Variants in TMEM131L observed in about 807,000 individuals in gnomAD.
TMEM131L encodes the protein transmembrane 131 like.
TMEM131L carries 54 observed loss-of-function variants against 192.2 expected under a neutral mutation model. The ratio of observed to expected loss-of-function variants is 0.28; its 90% CI spans 0.23 to 0.35. The LOEUF is 0.35. Among genes scored for constraint, TMEM131L ranks in the 10% least tolerant of loss-of-function variants. The probability of loss-of-function intolerance (pLI) is 1.00; values close to 1 mark genes in which losing one functional copy is unlikely to be tolerated. For missense variants in TMEM131L, 1,888 were observed against 1,972.9 expected (o/e 0.96, Z 0.82); for synonymous variants, 701 against 704.9 (o/e 0.99, Z 0.09).
At chr4:153,487,018 C>T (rs1316224373) in intron 3 of TMEM131L, among the ~76,000 whole-genome samples, 1 of 152,162 alleles carries the variant, frequency 6.6e-6, no homozygotes, top group African/African-American at 2.4e-5. Flanking sequence ...TGGGAACTCG[C>T]TAGACTGGCC....
Position 153,636,384 on chromosome 4 carries a change from A to G in TMEM131L, c.4641A>G (p.Glu1547=), listed in dbSNP as rs1353599640. 6.2e-7 allele frequency: 1 copy of G among 1,614,158 alleles called. No homozygotes were observed. Among genetic ancestry groups the G allele is most frequent in the South Asian group, 1.1e-5 (1 of 91,076 alleles). Residue 1547 remains glutamate (E), a synonymous_variant, in exon 35 of 35, where the codon GAA becomes GAG. Transcript: ENST00000409959. ...SIWAPQSDVY[E]NCCPINPTTE... is the part of the protein sequence containing the mutation. ...GGGCCCCGCAAAGCGATGTGTATGA[A>G]AATTGCTGCCCCATCAACCCCACCA... is the stretch of plus-strand genomic sequence containing the variant.
chr4:153,577,204 G>A (rs1730010021), intron 7 of TMEM131L, among the ~76,000 whole-genome samples: 1 of 152,188 alleles, frequency 6.6e-6, no homozygotes, highest in Non-Finnish European at 1.5e-5. Flanking sequence ...TGAGGTTGGA[G>A]CATGCGCAGG....
chr4:153,556,627 A>T (rs961654717), intron 5 of TMEM131L, among the ~76,000 whole-genome samples: 2 of 152,220 alleles, frequency 1.3e-5, no homozygotes, highest in African/African-American at 4.8e-5. Context: ...ACATGTTTGC[A>T]CGTTGGTTAT....
intron 3 of TMEM131L, among the ~76,000 whole-genome samples, chr4:153,535,249 G>A (rs1046508310): frequency 6.6e-6 from 1 of 152,270 alleles, no homozygotes; most frequent in East Asian, 1.9e-4. Flanking sequence ...ACAACTGAGC[G>A]GAGATGGCTG....
intron 3 of TMEM131L, among the ~76,000 whole-genome samples, chr4:153,528,267 A>G (rs1735644516): frequency 6.6e-6 from 1 of 152,248 alleles, no homozygotes. Context: ...ACAGAGCGCA[A>G]GACTGCGTTT....
intron 7 of TMEM131L, among the ~76,000 whole-genome samples, chr4:153,576,090 G>C (rs949830764): frequency 1.3e-5 from 2 of 151,942 alleles, no homozygotes; most frequent in Non-Finnish European, 2.9e-5. Context: ...CTCCCGAGTA[G>C]CTGGGACTAC....
chr4:153,485,371 T>C (rs1732257521), intron 3 of TMEM131L, among the ~76,000 whole-genome samples: 1 of 152,178 alleles, frequency 6.6e-6, no homozygotes, highest in African/African-American at 2.4e-5. Flanking sequence ...TGGCTCCGAA[T>C]GATACATGCA....
At chr4:153,560,734 C>G (rs1728792427) in intron 7 of TMEM131L, among the ~76,000 whole-genome samples, 1 of 152,164 alleles carries the variant, frequency 6.6e-6, no homozygotes, top group Non-Finnish European at 1.5e-5. Context: ...GTATTTCATT[C>G]CTTTTTATTG....
chr4:153,475,488 C>T (rs888733847), intron 3 of TMEM131L, among the ~76,000 whole-genome samples: 1 of 152,188 alleles, frequency 6.6e-6, no homozygotes, highest in African/African-American at 2.4e-5. Flanking sequence ...GTAATGTTCA[C>T]ATCAACCAGT....
intron 3 of TMEM131L, among the ~76,000 whole-genome samples, chr4:153,547,767 G>T (rs1476754257): frequency 2.0e-5 from 3 of 152,206 alleles, no homozygotes; most frequent in African/African-American, 7.2e-5. Flanking sequence ...GCCTGAACTT[G>T]ACACAGGGCT....
At chr4:153,589,424 C>T (rs4315759) in intron 16 of TMEM131L, among the ~76,000 whole-genome samples, 3,270 of 152,234 alleles carry the variant, frequency 0.021, 124 homozygotes, top group African/African-American at 0.075. Context: ...GAGATGGCTA[C>T]TAAGTGACTA....
In TMEM131L at chr4:153,634,178, G is replaced by GT. The variant is rs750902050; in HGVS notation, c.4329-8dup. On this transcript the variant is annotated splice_polypyrimidine_tract_variant and intron_variant, in intron 32 of 34. Coordinates refer to ENST00000409959, the MANE Select transcript of TMEM131L (RefSeq NM_001131007.2). Reference sequence around the variant, plus strand: ...CATCCTGTTTCTGATTAGACCACTTGTTTTTTGTGGCAGTTTCATTGATTG... The same window carrying GT: ...CATCCTGTTTCTGATTAGACCACTTGTTTTTTTGTGGCAGTTTCATTGATTG... The GT allele has an allele frequency of 1.3e-5, 21 of 1,611,556 alleles. No individual in the cohort carries two copies. Among genetic ancestry groups the GT allele is most frequent in the African/African-American group, 2.7e-5 (2 of 74,874 alleles).
chr4:153,472,897 G>A (rs1239692828), intron 2 of TMEM131L, among the ~76,000 whole-genome samples: 1 of 152,218 alleles, frequency 6.6e-6, no homozygotes, highest in East Asian at 1.9e-4. Flanking sequence ...CTGAAATATA[G>A]GAACTGAGAG....
intron 2 of TMEM131L, 61 bp from the exon 3 acceptor site, chr4:153,473,782 ACT>A (rs1554018278): frequency 1.5e-6 from 2 of 1,343,488 alleles, no homozygotes; most frequent in Non-Finnish European, 2.1e-6. Flanking sequence ...ACAGAGCGAG[ACT>A]CTGTCTCAAA....
At chr4:153,484,312 T>A (rs759343726) in intron 3 of TMEM131L, among the ~76,000 whole-genome samples, 22 of 152,188 alleles carry the variant, frequency 1.4e-4, no homozygotes, top group Non-Finnish European at 1.0e-4. Context: ...CCAATTAATG[T>A]TTTTGGAACC....
intron 3 of TMEM131L, among the ~76,000 whole-genome samples, chr4:153,498,704 G>A (rs1382280142): frequency 6.6e-6 from 1 of 152,094 alleles, no homozygotes; most frequent in Non-Finnish European, 1.5e-5. Context: ...CTTCTCATTC[G>A]GCCCTACTGA....
At chr4:153,564,012 G>A (rs892385475) in intron 7 of TMEM131L, among the ~76,000 whole-genome samples, 2 of 152,092 alleles carry the variant, frequency 1.3e-5, no homozygotes, top group African/African-American at 2.4e-5. Context: ...GGCCCAGCCA[G>A]ATGCGGTGGC....
chr4:153,628,840 TG>T (rs2126856708), intron 31 of TMEM131L, among the ~76,000 whole-genome samples: 1 of 152,328 alleles, frequency 6.6e-6, no homozygotes, highest in African/African-American at 2.4e-5. Flanking sequence ...ACGTGCGGTT[TG>T]GTGTTCTAAC....
At chr4:153,617,056 A>G (rs1200341138) in intron 26 of TMEM131L, among the ~76,000 whole-genome samples, 2 of 152,198 alleles carry the variant, frequency 1.3e-5, no homozygotes, top group African/African-American at 2.4e-5. Context: ...CTTGAATTGT[A>G]ACTTCTACAA....
Sources: gnomAD v4.1 joint callset for allele counts (sites outside exome capture counted in the v4.1 genomes callset) on GRCh38, gnomAD v4.1.1 for gene constraint, MANE v1.5 for transcripts, NCBI Gene and HGNC (gene_info 2026-07-23, HGNC 2026-07-21) for gene names.